CAMK4: variants seen among roughly 807,000 people sequenced by gnomAD.
CAMK4 encodes the protein calcium/calmodulin-dependent protein kinase type IV.
Under a neutral mutation model 44.9 loss-of-function variants are expected in CAMK4, and 22 were observed. The ratio of observed to expected loss-of-function variants is 0.49; its 90% confidence interval spans 0.35 to 0.70. The LOEUF (loss-of-function observed/expected upper bound fraction) is 0.70. Among genes scored for constraint, CAMK4 ranks in the 30% least tolerant of loss-of-function variants. The probability of loss-of-function intolerance (pLI) is 0.01; values close to 1 mark genes in which losing one functional copy is unlikely to be tolerated. For synonymous variants in CAMK4, 218 were observed against 215.4 expected, an observed-to-expected ratio of 1.01 and a Z score of -0.11; for missense variants, 498 against 586.8, an observed-to-expected ratio of 0.85 and a Z score of 1.56.
At chr5:111,289,549 G>A (rs890593220) in intron 1 of CAMK4, among the ~76,000 whole-genome samples, 1 of 152,166 alleles carries the variant, frequency 6.6e-6, no homozygotes, top group Non-Finnish European at 1.5e-5. Context: ...CTTAATTGTT[G>A]CAAGTAATCT....
intron 1 of CAMK4, among the ~76,000 whole-genome samples, chr5:111,311,978 T>C (rs1748223951): frequency 6.6e-6 from 1 of 152,182 alleles, no homozygotes; most frequent in South Asian, 2.1e-4. Flanking sequence ...TACATCATAT[T>C]TTAGAAAAGT....
intron 1 of CAMK4, among the ~76,000 whole-genome samples, chr5:111,272,774 C>G (rs1750570807): frequency 6.6e-6 from 1 of 152,108 alleles, no homozygotes; most frequent in African/African-American, 2.4e-5. Context: ...TTTCTGCAGT[C>G]TTGTACATCA....
chr5:111,335,139 T>G (rs1170588179), intron 1 of CAMK4, among the ~76,000 whole-genome samples: 2 of 151,484 alleles, frequency 1.3e-5, no homozygotes, highest in Non-Finnish European at 3.0e-5. Context: ...TTGCAAGGAG[T>G]ACATTGTAGA....
intron 1 of CAMK4, among the ~76,000 whole-genome samples, chr5:111,245,742 G>C (rs769932442): frequency 4.6e-5 from 7 of 152,214 alleles, no homozygotes; most frequent in Non-Finnish European, 1.0e-4. Flanking sequence ...TAAGATGACT[G>C]CTGTGTGTGC....
At chr5:111,400,136 T>TC (rs1752170052) in intron 5 of CAMK4, among the ~76,000 whole-genome samples, 1 of 151,936 alleles carries the variant, frequency 6.6e-6, no homozygotes, top group African/African-American at 2.4e-5. Flanking sequence ...AGGGTTTGTT[T>TC]TTTTTTGTCA....
intron 2 of CAMK4, among the ~76,000 whole-genome samples, chr5:111,346,049 C>T (rs1330180966): frequency 6.6e-6 from 1 of 151,930 alleles, no homozygotes; most frequent in Non-Finnish European, 1.5e-5. Flanking sequence ...TAGGATAAAT[C>T]ATGCACAGAG....
At chr5:111,271,705 A>G (rs891343878) in intron 1 of CAMK4, among the ~76,000 whole-genome samples, 5 of 152,200 alleles carry the variant, frequency 3.3e-5, no homozygotes, top group African/African-American at 1.2e-4. Flanking sequence ...ATATTTGGCA[A>G]GACCACATCT....
chr5:111,370,104 A>T (rs1750946669), intron 2 of CAMK4, among the ~76,000 whole-genome samples: 1 of 152,152 alleles, frequency 6.6e-6, no homozygotes, highest in South Asian at 2.1e-4. Context: ...TTGAGAAATG[A>T]TGATGTGGAG....
At chr5:111,276,716 G>T (rs1487514007) in intron 1 of CAMK4, among the ~76,000 whole-genome samples, 1 of 152,058 alleles carries the variant, frequency 6.6e-6, no homozygotes, top group Non-Finnish European at 1.5e-5. Flanking sequence ...GGGTGGGATA[G>T]GGGTGCTTCT....
Position 111,419,270 on chromosome 5 carries a change from G to T in CAMK4, c.459+24488G>T, listed in dbSNP as rs539785368. 4.9e-3 allele frequency among the ~76,000 whole-genome samples: 747 copies of T among 152,174 alleles called. 2 individuals carry two copies. Among genetic ancestry groups the T allele is most frequent in the Non-Finnish European group, 8.9e-3 (608 of 68,014 alleles). On this transcript the variant is annotated intron_variant, in intron 5 of 10. Coordinates refer to ENST00000282356, the MANE Select transcript of CAMK4 (RefSeq NM_001744.6). The stretch of plus-strand genomic sequence containing the variant: ...TGAGAAGTGTCTGTTCAAATCCTTC[G>T]CCCACTTTTTGATGGGGTTGTTTGT...
chr5:111,464,573 A>G (rs1481659157), intron 7 of CAMK4, among the ~76,000 whole-genome samples: 1 of 152,224 alleles, frequency 6.6e-6, no homozygotes, highest in Non-Finnish European at 1.5e-5. Context: ...AATAATCTTA[A>G]GAGCCATGTA....
At position 111,489,498 on chromosome 5, in the gene CAMK4, T is replaced by C. The variant is rs1425942645; in HGVS notation, c.*5032T>C. 6.6e-6 allele frequency: 1 copy of C among 152,206 alleles called. No homozygotes were observed. Among genetic ancestry groups the C allele is most frequent in the African/African-American group, 2.4e-5 (1 of 41,460 alleles). The allele number at this position is 152,206 out of a possible 1,614,324, so 9.4% of individuals were successfully genotyped here. ...GTTTGGTTATTTAAAATTCCAACTT[T>C]CATAAATGCTCTGTGATGTACTCAA... is the stretch of plus-strand genomic sequence containing the variant. On this transcript the variant is annotated 3_prime_UTR_variant, in exon 11 of 11. Coordinates refer to ENST00000282356, the MANE Select transcript of CAMK4 (RefSeq NM_001744.6).
intron 4 of CAMK4, among the ~76,000 whole-genome samples, chr5:111,379,873 T>G (rs1373496618): frequency 6.6e-6 from 1 of 152,148 alleles, no homozygotes; most frequent in African/African-American, 2.4e-5. Flanking sequence ...CCAAGTAGAA[T>G]CTGCTATTTT....
intron 1 of CAMK4, among the ~76,000 whole-genome samples, chr5:111,330,236 T>A (rs1373797825): frequency 6.6e-6 from 1 of 151,566 alleles, no homozygotes; most frequent in African/African-American, 2.4e-5. Context: ...AATTCTACAA[T>A]ATTATTATAA....
At chr5:111,413,588 A>G (rs986831827) in intron 5 of CAMK4, among the ~76,000 whole-genome samples, 2 of 152,150 alleles carry the variant, frequency 1.3e-5, no homozygotes, top group African/African-American at 4.8e-5. Context: ...AAAAAAAAAA[A>G]AAATTATTAT....
intron 5 of CAMK4, among the ~76,000 whole-genome samples, chr5:111,396,631 C>CTTTTT (rs540495109): frequency 0.012 from 584 of 47,002 alleles, 191 homozygotes; most frequent in African/African-American, 0.046. Context: ...AACTCATATT[C>CTTTTT]TTTTTTTTTT....
At chr5:111,299,533 A>T (rs576952381) in intron 1 of CAMK4, among the ~76,000 whole-genome samples, 1 of 152,260 alleles carries the variant, frequency 6.6e-6, no homozygotes, top group East Asian at 1.9e-4. Context: ...AAAGCATCTC[A>T]TTAATAATTT....
intron 2 of CAMK4, among the ~76,000 whole-genome samples, chr5:111,359,285 TGTGG>T (rs1248088826): frequency 2.8e-5 from 1 of 35,824 alleles, no homozygotes; most frequent in African/African-American, 6.4e-5. Flanking sequence ...GGTATTTGAT[TGTGG>T]TTTTGATTTT....
chr5:111,229,852 T>G (rs1400811835), intron 1 of CAMK4, among the ~76,000 whole-genome samples: 2 of 152,182 alleles, frequency 1.3e-5, no homozygotes, highest in Non-Finnish European at 2.9e-5. Context: ...AGTGGGAGAA[T>G]AAAAACTGGG....
Sources: allele counts gnomAD v4.1 joint callset (sites outside exome capture counted in the v4.1 genomes callset), GRCh38; gene constraint gnomAD v4.1.1; transcripts MANE v1.5; gene names NCBI Gene and HGNC (gene_info 2026-07-23, HGNC 2026-07-21).